SLIT3: variants seen among roughly 807,000 people sequenced by gnomAD.
SLIT3 encodes the protein slit homolog 3 protein.
SLIT3 carries 68 observed loss-of-function variants against 184.0 expected under a neutral mutation model. The ratio of observed to expected loss-of-function variants is 0.37; its 90% confidence interval spans 0.30 to 0.45. SLIT3 has a LOEUF of 0.45. Among genes scored for constraint, SLIT3 ranks in the 20% least tolerant of loss-of-function variants. The pLI, the probability that SLIT3 is intolerant of heterozygous loss-of-function variation, is 1.00. For missense variants in SLIT3, 1,707 were observed against 2,026.0 expected, an observed-to-expected ratio of 0.84 and a Z score of 3.02; for synonymous variants, 831 against 828.6, an observed-to-expected ratio of 1.00 and a Z score of -0.05.
chr5:169,125,803 C>T (rs1160295349), intron 4 of SLIT3, among the ~76,000 whole-genome samples: 2 of 152,194 alleles, frequency 1.3e-5, no homozygotes, highest in Non-Finnish European at 2.9e-5. Context: ...GCATTCCTTC[C>T]ATACCTGTCC....
intron 3 of SLIT3, among the ~76,000 whole-genome samples, chr5:169,196,209 C>T (rs1012225352): frequency 1.3e-5 from 2 of 152,014 alleles, no homozygotes; most frequent in Non-Finnish European, 2.9e-5. Context: ...GAGGCAACAT[C>T]TATTTTTATG....
At chr5:168,847,870 T>C (rs1160444995) in intron 5 of SLIT3, among the ~76,000 whole-genome samples, 2 of 152,132 alleles carry the variant, frequency 1.3e-5, no homozygotes, top group African/African-American at 4.8e-5. Flanking sequence ...AAGGTCCATA[T>C]CGTGCCTTTG....
chr5:169,297,837 C>T (rs1195382808), intron 1 of SLIT3, among the ~76,000 whole-genome samples: 5 of 152,166 alleles, frequency 3.3e-5, no homozygotes, highest in African/African-American at 4.8e-5. Context: ...TAGGCTCAAG[C>T]GATCCTCTCA....
intron 4 of SLIT3, among the ~76,000 whole-genome samples, chr5:169,125,196 C>A (rs1207272585): frequency 6.6e-6 from 1 of 152,038 alleles, no homozygotes; most frequent in East Asian, 1.9e-4. Context: ...TACTGGCACA[C>A]GCCACCATGC....
chr5:168,963,513 C>T (rs1763083357), intron 4 of SLIT3, among the ~76,000 whole-genome samples: 1 of 152,182 alleles, frequency 6.6e-6, no homozygotes, highest in Non-Finnish European at 1.5e-5. Flanking sequence ...CTGCTTTCAC[C>T]ACACAAGGCA....
rs539522625 is a variant in SLIT3 at position 169,208,410 on chromosome 5, C to T, written c.342-14860G>A. Among the ~76,000 whole-genome samples, 15 of 152,228 alleles carry T rather than the reference C, an allele frequency of 9.9e-5. No homozygotes were observed. The South Asian group carries it at 2.5e-3, about 25-fold the overall frequency. ...CCTAGATATTTTATTCACTTGGTTG[C>T]AATTGTGAATGGGAGTTCACTACTT... On this transcript the variant is annotated intron_variant, in intron 3 of 35. Coordinates refer to ENST00000519560, the MANE Select transcript of SLIT3 (RefSeq NM_003062.4).
chr5:168,702,243 A>ATAT (rs1762238759), intron 26 of SLIT3, among the ~76,000 whole-genome samples: 3 of 152,224 alleles, frequency 2.0e-5, no homozygotes, highest in African/African-American at 7.2e-5. Flanking sequence ...GCCTCATGCT[A>ATAT]AGTGTTTTAT....
intron 3 of SLIT3, among the ~76,000 whole-genome samples, chr5:169,243,525 C>A (rs1368978968): frequency 6.6e-6 from 1 of 152,140 alleles, no homozygotes; most frequent in Non-Finnish European, 1.5e-5. Flanking sequence ...AGAAGGAGAA[C>A]AATAAATGAG....
chr5:168,976,955 T>G (rs1472494627), intron 4 of SLIT3, among the ~76,000 whole-genome samples: 2 of 151,866 alleles, frequency 1.3e-5, no homozygotes, highest in African/African-American at 2.4e-5. Context: ...GGGAGGTAAT[T>G]ACACAGAGCT....
chr5:168,748,297 CTTACA>C lies in SLIT3; in HGVS notation c.2270_2270+4del. 6.8e-7 allele frequency: 1 copy of C among 1,462,782 alleles called. No individual in the cohort carries two copies. Among genetic ancestry groups the C allele is most frequent in the South Asian group, 1.5e-5 (1 of 67,756 alleles). The allele number at this position is 1,462,782 out of a possible 1,614,324, so 90.6% of individuals were successfully genotyped here. A position where few individuals can be genotyped will look rare whatever the true frequency, so the allele number is the denominator to read the frequency against. The stretch of plus-strand genomic sequence containing the variant: ...GGGTGCTTGGAGGCAGCTGGGGGTA[CTTACA>C]GCTCGGTCACATCCTTGGGCATGCC... On this transcript the variant is annotated splice_donor_variant and splice_donor_region_variant and coding_sequence_variant and intron_variant, in exon 20 of 36. Transcript: ENST00000519560. LOFTEE classifies it high-confidence loss of function.
At chr5:168,743,231 T>C (rs1040969535) in intron 20 of SLIT3, among the ~76,000 whole-genome samples, 1 of 152,160 alleles carries the variant, frequency 6.6e-6, no homozygotes, top group African/African-American at 2.4e-5. Context: ...TATTGCACTT[T>C]GTAGATATTG....
intron 3 of SLIT3, among the ~76,000 whole-genome samples, chr5:169,237,823 T>A (rs1765256652): frequency 6.6e-6 from 1 of 152,206 alleles, no homozygotes; most frequent in Admixed American, 6.5e-5. Flanking sequence ...AAATTCTTTA[T>A]CAGATACATG....
At chr5:169,042,328 G>A (rs1333277421) in intron 4 of SLIT3, among the ~76,000 whole-genome samples, 2 of 152,160 alleles carry the variant, frequency 1.3e-5, no homozygotes, top group African/African-American at 2.4e-5. Flanking sequence ...AACCCTCAAA[G>A]TCAGCACCAG....
At chr5:169,139,787 C>A (rs1304176360) in intron 4 of SLIT3, among the ~76,000 whole-genome samples, 2 of 152,206 alleles carry the variant, frequency 1.3e-5, no homozygotes, top group Non-Finnish European at 2.9e-5. Flanking sequence ...TCCACTCTTG[C>A]CAGCAGCTAG....
chr5:168,759,598 A>G (rs1755069856), intron 16 of SLIT3, among the ~76,000 whole-genome samples: 1 of 152,256 alleles, frequency 6.6e-6, no homozygotes, highest in African/African-American at 2.4e-5. Flanking sequence ...ACACTGGTTT[A>G]CAGCATGAGA....
intron 12 of SLIT3, among the ~76,000 whole-genome samples, chr5:168,779,842 A>G (rs2113558552): frequency 6.6e-6 from 1 of 152,196 alleles, no homozygotes; most frequent in East Asian, 1.9e-4. Context: ...GGTCCAGGTA[A>G]CATGGGGAGA....
chr5:168,735,597 G>A (rs1232640428), intron 20 of SLIT3, among the ~76,000 whole-genome samples: 1 of 151,340 alleles, frequency 6.6e-6, no homozygotes, highest in African/African-American at 2.4e-5. Flanking sequence ...TCTCAGAGCA[G>A]TACCCGGCAC....
At chr5:168,885,692 A>T (rs1466514159) in intron 4 of SLIT3, among the ~76,000 whole-genome samples, 1 of 152,208 alleles carries the variant, frequency 6.6e-6, no homozygotes, top group Non-Finnish European at 1.5e-5. Context: ...ATGGTTGATG[A>T]TCAAAATCAG....
chr5:169,135,700 G>A (rs1008906835), intron 4 of SLIT3, among the ~76,000 whole-genome samples: 4 of 152,140 alleles, frequency 2.6e-5, no homozygotes, highest in African/African-American at 9.7e-5. Context: ...AAAAACATCA[G>A]GAAGTCGCAA....
Sources: allele counts gnomAD v4.1 joint callset (sites outside exome capture counted in the v4.1 genomes callset), GRCh38; gene constraint gnomAD v4.1.1; transcripts MANE v1.5; gene names NCBI Gene and HGNC (gene_info 2026-07-23, HGNC 2026-07-21).